The following PKIG variants were observed in gnomAD, a reference collection of about 807,000 sequenced individuals.
PKIG encodes cAMP-dependent protein kinase inhibitor gamma.
Under a neutral mutation model 6.8 loss-of-function variants are expected in PKIG, and 1 was observed. The observed-to-expected ratio is 0.15, with a 90% confidence interval of 0.05 to 0.69. PKIG has a LOEUF of 0.69. PKIG is among the 30% of genes least tolerant of loss of function. The probability of loss-of-function intolerance (pLI) is 0.82; values close to 1 mark genes in which losing one functional copy is unlikely to be tolerated. For synonymous variants in PKIG, 39 were observed against 43.0 expected (o/e 0.91, Z 0.36); for missense variants, 77 against 104.0 (o/e 0.74, Z 1.13).
chr20:44,615,187 A>C (rs998150456), intron 3 of PKIG, among the ~76,000 whole-genome samples: 3 of 150,754 alleles, frequency 2.0e-5, no homozygotes, highest in African/African-American at 4.9e-5. Context: ...AGCTTGTCAC[A>C]TTGCCCTGGG....
chr20:44,541,282 GT>G (rs936759607), intron 1 of PKIG, among the ~76,000 whole-genome samples: 2 of 152,026 alleles, frequency 1.3e-5, no homozygotes, highest in Non-Finnish European at 2.9e-5. Context: ...TAGACTATGG[GT>G]TTTTTTGTTT....
intron 2 of PKIG, among the ~76,000 whole-genome samples, chr20:44,606,257 C>T (rs890798970): frequency 6.6e-6 from 1 of 152,172 alleles, no homozygotes; most frequent in Non-Finnish European, 1.5e-5. Context: ...GGAAGATGCT[C>T]AGGTTCACTC....
chr20:44,600,846 T>G (rs1211791822), intron 2 of PKIG, among the ~76,000 whole-genome samples: 2 of 152,064 alleles, frequency 1.3e-5, no homozygotes, highest in East Asian at 3.9e-4. Context: ...GGCTGGTGAC[T>G]TGACGTCTGA....
intron 2 of PKIG, among the ~76,000 whole-genome samples, chr20:44,603,699 G>A (rs2065141054): frequency 6.6e-6 from 1 of 152,180 alleles, no homozygotes; most frequent in South Asian, 2.1e-4. Flanking sequence ...ATGTCTTTCG[G>A]TTAGATTCTA....
chr20:44,598,306 A>G (rs1275229639), intron 2 of PKIG, among the ~76,000 whole-genome samples: 1 of 152,176 alleles, frequency 6.6e-6, no homozygotes, highest in African/African-American at 2.4e-5. Flanking sequence ...AGGTGACACA[A>G]AATCATTTTT....
intron 1 of PKIG, among the ~76,000 whole-genome samples, chr20:44,552,455 T>C (rs2064677486): frequency 6.6e-6 from 1 of 152,220 alleles, no homozygotes; most frequent in Non-Finnish European, 1.5e-5. Context: ...AATTTTGCTT[T>C]CTTGATAATT....
intron 1 of PKIG, among the ~76,000 whole-genome samples, chr20:44,564,569 G>A (rs1024290296): frequency 1.4e-4 from 22 of 151,964 alleles, no homozygotes; most frequent in East Asian, 1.2e-3. Flanking sequence ...AATTCTAGCC[G>A]TTGTTATTAT....
At chr20:44,611,819 G>A (rs2065222174) in intron 2 of PKIG, among the ~76,000 whole-genome samples, 1 of 151,734 alleles carries the variant, frequency 6.6e-6, no homozygotes, top group African/African-American at 2.4e-5. Context: ...GTGCCTAGCC[G>A]ATAACAAATT....
chr20:44,558,574 T>TTTTTCTTTCTTTCTTTCTTTC (rs1555835146), intron 1 of PKIG, among the ~76,000 whole-genome samples: 1 of 131,900 alleles, frequency 7.6e-6, no homozygotes, highest in African/African-American at 3.1e-5. Flanking sequence ...TTTTTTTCTT[T>TTTTTCTTTCTTTCTTTCTTTC]TTTCTTTCTT....
intron 1 of PKIG, among the ~76,000 whole-genome samples, chr20:44,532,420 T>C (rs2064474995): frequency 6.6e-6 from 1 of 152,206 alleles, no homozygotes; most frequent in Non-Finnish European, 1.5e-5. Context: ...TATTTAAAAT[T>C]CGTGGAGGTA....
At chr20:44,610,500 TCACACACACA>T (rs559846553) in intron 2 of PKIG, among the ~76,000 whole-genome samples, 2 of 135,420 alleles carry the variant, frequency 1.5e-5, no homozygotes, top group African/African-American at 3.0e-5. Context: ...TCTCTCTCTC[TCACACACACA>T]CACACACACA....
intron 1 of PKIG, among the ~76,000 whole-genome samples, chr20:44,567,857 T>C (rs2064823021): frequency 6.6e-6 from 1 of 152,220 alleles, no homozygotes. Context: ...TGATTATTTC[T>C]ATTATTTCAC....
intron 2 of PKIG, among the ~76,000 whole-genome samples, chr20:44,613,782 T>A (rs2065240025): frequency 6.6e-6 from 1 of 152,050 alleles, no homozygotes; most frequent in Non-Finnish European, 1.5e-5. Context: ...GCCGCCACAG[T>A]CACCTTTGAA....
intron 1 of PKIG, among the ~76,000 whole-genome samples, chr20:44,541,416 G>C (rs2064560711): frequency 6.6e-6 from 1 of 152,192 alleles, no homozygotes; most frequent in South Asian, 2.1e-4. Context: ...AGCCTCTTGA[G>C]TAGCTGGGAC....
At chr20:44,545,491 A>G (rs530245768) in intron 1 of PKIG, among the ~76,000 whole-genome samples, 42 of 152,324 alleles carry the variant, frequency 2.8e-4, no homozygotes, top group Non-Finnish European at 5.0e-4. Context: ...TAGGGGTGGA[A>G]GAGACCTCTG....
At chr20:44,550,934 C>T (rs998517220) in intron 1 of PKIG, among the ~76,000 whole-genome samples, 6 of 152,134 alleles carry the variant, frequency 3.9e-5, no homozygotes, top group Admixed American at 3.9e-4. Flanking sequence ...AAAAACCTAG[C>T]CCAAACAATT....
At chr20:44,533,511 G>A (rs543550326) in intron 1 of PKIG, among the ~76,000 whole-genome samples, 14 of 152,214 alleles carry the variant, frequency 9.2e-5, no homozygotes, top group Non-Finnish European at 1.5e-5. Flanking sequence ...ATCTAGCATA[G>A]TTTGGAGATT....
At chr20:44,535,646 A>G (rs908098203) in intron 1 of PKIG, among the ~76,000 whole-genome samples, 1 of 152,230 alleles carries the variant, frequency 6.6e-6, no homozygotes, top group Non-Finnish European at 1.5e-5. Context: ...CATCTCAAAA[A>G]AAAGGACAGT....
At chr20:44,560,860 A>T (rs920066139) in intron 1 of PKIG, among the ~76,000 whole-genome samples, 2 of 152,188 alleles carry the variant, frequency 1.3e-5, no homozygotes, top group African/African-American at 4.8e-5. Context: ...CCTCTAAATA[A>T]TTTTTTATGT....
Sources: gnomAD v4.1 joint callset for allele counts (sites outside exome capture counted in the v4.1 genomes callset) on GRCh38, gnomAD v4.1.1 for gene constraint, MANE v1.5 for transcripts, NCBI Gene and HGNC (gene_info 2026-07-23, HGNC 2026-07-21) for gene names.